Variants in DPH6 observed in about 807,000 individuals in gnomAD.
DPH6 encodes the protein diphthine--ammonia ligase.
In DPH6, 33 loss-of-function variants were observed where a neutral mutation model predicts 38.2. The ratio of observed to expected loss-of-function variants is 0.86; its 90% CI spans 0.65 to 1.15. The LOEUF (loss-of-function observed/expected upper bound fraction) is 1.15, where lower values mean the gene tolerates loss of function less well. DPH6 is among the 50% of genes most tolerant of loss of function. The probability of loss-of-function intolerance (pLI) is 0.00; values close to 1 mark genes in which losing one functional copy is unlikely to be tolerated. For missense variants in DPH6, 325 were observed against 320.0 expected, an observed-to-expected ratio of 1.02 and a Z score of -0.12; for synonymous variants, 108 against 103.0, an observed-to-expected ratio of 1.05 and a Z score of -0.30.
intron 6 of DPH6, among the ~76,000 whole-genome samples, chr15:35,398,131 A>G (rs1225512233): frequency 6.6e-6 from 1 of 152,162 alleles, no homozygotes; most frequent in Non-Finnish European, 1.5e-5. Flanking sequence ...GGAGCTCCCA[A>G]TACTCTTGTA....
chr15:35,202,131 A>C, the DPH6 span, among the ~76,000 whole-genome samples: 1 of 151,886 alleles, frequency 6.6e-6, no homozygotes. Context: ...ATCTATCTAT[A>C]TATAATCTTA....
chr15:35,281,309 C>G (rs1248733029), intron 3 of DPH6, among the ~76,000 whole-genome samples: 2 of 151,996 alleles, frequency 1.3e-5, no homozygotes, highest in African/African-American at 4.8e-5. Context: ...CATAATGAAA[C>G]CATTCTAAAA....
At chr15:35,271,415 T>A (rs771228890) in intron 3 of DPH6, among the ~76,000 whole-genome samples, 3 of 152,128 alleles carry the variant, frequency 2.0e-5, no homozygotes, top group Non-Finnish European at 2.9e-5. Flanking sequence ...AAAAAACATT[T>A]GATAAAAAAC....
chr15:35,147,962 C>T, the DPH6 span, among the ~76,000 whole-genome samples: 45 of 152,256 alleles, frequency 3.0e-4, no homozygotes, highest in Middle Eastern at 6.8e-3. Context: ...CAGCTCTGAA[C>T]GATGAATCAG....
rs576274534 is a variant in DPH6, at chr15:35,464,865, C to T, written c.313-10045G>A. ...AAATGGACTTCTACTATAAAATGTACCCCATGTTGTGTTATTCATATGCAA... is the reference window on the plus strand; with the variant it reads ...AAATGGACTTCTACTATAAAATGTATCCCATGTTGTGTTATTCATATGCAA... On this transcript the variant is annotated intron_variant, in intron 3 of 8. Transcript: ENST00000256538. Among the ~76,000 whole-genome samples the T allele has an allele frequency of 4.8e-4, 73 of 152,260 alleles. 1 individual carries two copies. Among genetic ancestry groups the T allele is most frequent in the African/African-American group, 1.8e-3 (73 of 41,560 alleles).
chr15:35,406,313 A>G lies in DPH6; in HGVS notation c.567+4522T>C, dbSNP rs541218665. 4.2e-4 allele frequency among the ~76,000 whole-genome samples: 64 copies of G among 152,204 alleles called. No individual in the cohort carries two copies. In the Middle Eastern group the frequency reaches 0.01, roughly 24 times the overall value. On this transcript the variant is annotated intron_variant, in intron 6 of 8. Coordinates refer to ENST00000256538, the MANE Select transcript of DPH6 (RefSeq NM_080650.4). ...AAGCATAGGGAGTATTCCATTGACT[A>G]CCTATCTTATAAGCCTCATTTTCCC...
In DPH6 at chr15:35,381,900, C is replaced by G. The variant is rs770958547; in HGVS notation, c.584G>C (p.Gly195Ala). Residue 195 changes from glycine to alanine, a missense_variant, in exon 7 of 9, where the codon GGA (glycine) becomes GCA (alanine). Coordinates refer to ENST00000256538, the MANE Select transcript of DPH6 (RefSeq NM_080650.4). The part of the protein sequence containing the change: ...PYLIELSKKY[G>A]VHVCGEGGEY... ...TCCACCTTCTCCACAAACATGTACT[C>G]CATACTTCTTAGAAAGCTGAAAATA... is the stretch of plus-strand genomic sequence containing the variant. The G allele has an allele frequency of 1.2e-6, 2 of 1,612,354 alleles. No individual in the cohort carries two copies. The highest frequency in any genetic ancestry group is 4.5e-5 in the East Asian group (2 of 44,796).
chr15:35,425,101 A>T (rs2053552453), intron 5 of DPH6, among the ~76,000 whole-genome samples: 1 of 151,652 alleles, frequency 6.6e-6, no homozygotes, highest in Admixed American at 6.6e-5. Context: ...TTTCTATAAG[A>T]CAATTCACTG....
chr15:35,283,219 TTC>T (rs1402737684), intron 3 of DPH6, among the ~76,000 whole-genome samples: 4 of 147,438 alleles, frequency 2.7e-5, no homozygotes, highest in Non-Finnish European at 4.5e-5. Context: ...CCTCTTCCTC[TTC>T]TTTCTTCTTT....
intron 3 of DPH6, among the ~76,000 whole-genome samples, chr15:35,302,941 T>C (rs973755028): frequency 7.9e-5 from 12 of 152,154 alleles, no homozygotes; most frequent in African/African-American, 2.9e-4. Flanking sequence ...ATGGTTTCTA[T>C]ATTAAAAAAT....
At chr15:35,237,785 G>A in intron 3 of DPH6, 1 of 1,604,424 alleles carries the variant, frequency 6.2e-7, no homozygotes. Context: ...GGACGACAAG[G>A]AGGCCCCTAA....
At chr15:35,506,957 A>G (rs199734304) in intron 3 of DPH6, among the ~76,000 whole-genome samples, 2 of 1,966 alleles carry the variant, frequency 1.0e-3, no homozygotes, top group Non-Finnish European at 1.4e-3. Flanking sequence ...AGTGTCAGAG[A>G]AAAAAAAAGG....
intron 6 of DPH6, among the ~76,000 whole-genome samples, chr15:35,405,620 T>C (rs1330134700): frequency 3.9e-5 from 6 of 152,140 alleles, no homozygotes; most frequent in Non-Finnish European, 7.4e-5. Flanking sequence ...TTTAGGTTTT[T>C]TGAAATATAC....
intron 3 of DPH6, among the ~76,000 whole-genome samples, chr15:35,249,817 A>G (rs1201155881): frequency 6.6e-6 from 1 of 152,222 alleles, no homozygotes; most frequent in Non-Finnish European, 1.5e-5. Context: ...TAAAATACTT[A>G]TAAGCACAGC....
At chr15:35,420,847 G>T (rs10152716) in intron 5 of DPH6, among the ~76,000 whole-genome samples, 46,730 of 151,962 alleles carry the variant, frequency 0.31, 7,934 homozygotes, top group African/African-American at 0.46. Context: ...CTAAATAAAA[G>T]GGACAAACCC....
chr15:35,213,682 A>G (rs2051397708), downstream of DPH6, among the ~76,000 whole-genome samples: 1 of 152,174 alleles, frequency 6.6e-6, no homozygotes, highest in Non-Finnish European at 1.5e-5. Context: ...CCCCAAAGCC[A>G]TCTCACCTGG....
intron 5 of DPH6, among the ~76,000 whole-genome samples, chr15:35,449,928 T>C (rs1353758384): frequency 6.6e-6 from 1 of 152,098 alleles, no homozygotes; most frequent in Non-Finnish European, 1.5e-5. Flanking sequence ...ATCTGCAAGG[T>C]AAACACTTTC....
intron 3 of DPH6, among the ~76,000 whole-genome samples, chr15:35,496,837 G>A (rs2054565654): frequency 6.6e-6 from 1 of 151,814 alleles, no homozygotes. Flanking sequence ...GGGCACTGCA[G>A]CAACACTGGC....
At chr15:35,189,762 G>A in the DPH6 span, among the ~76,000 whole-genome samples, 1 of 152,270 alleles carries the variant, frequency 6.6e-6, no homozygotes, top group South Asian at 2.1e-4. Context: ...TTTTGCAGGA[G>A]CCATACAAAA....
Sources: allele counts gnomAD v4.1 joint callset (sites outside exome capture counted in the v4.1 genomes callset), GRCh38; gene constraint gnomAD v4.1.1; transcripts MANE v1.5; gene names NCBI Gene and HGNC (gene_info 2026-07-23, HGNC 2026-07-21).